FOXJ3: variants seen among roughly 807,000 people sequenced by gnomAD.
FOXJ3 encodes the protein forkhead box protein J3.
In FOXJ3, 22 loss-of-function variants were observed where a neutral mutation model predicts 76.1. The observed-to-expected ratio is 0.29, with a 90% CI of 0.21 to 0.41. FOXJ3 has a LOEUF of 0.41. FOXJ3 is among the 10% of genes least tolerant of loss of function. The pLI is 1.00. For synonymous variants in FOXJ3, 269 were observed against 261.2 expected, an observed-to-expected ratio of 1.03 and a Z score of -0.29; for missense variants, 613 against 762.1, an observed-to-expected ratio of 0.80 and a Z score of 2.30.
intron 1 of FOXJ3, among the ~76,000 whole-genome samples, chr1:42,317,040 T>A (rs948779371): frequency 6.6e-6 from 1 of 152,174 alleles, no homozygotes; most frequent in African/African-American, 2.4e-5. Context: ...AATTAAAAAT[T>A]CATTTTTTAT....
intron 1 of FOXJ3, chr1:42,323,792 A>C: frequency 3.7e-6 from 2 of 547,862 alleles, no homozygotes; most frequent in Non-Finnish European, 4.6e-6. Flanking sequence ...TTGTGAAAGA[A>C]GGCAGACTAG....
intron 4 of FOXJ3, among the ~76,000 whole-genome samples, chr1:42,258,525 G>A (rs1025093715): frequency 3.3e-5 from 5 of 152,156 alleles, no homozygotes; most frequent in South Asian, 2.1e-4. Context: ...CTAGTTGACC[G>A]AATGAACATG....
At chr1:42,299,851 T>A (rs1276884605) in intron 2 of FOXJ3, among the ~76,000 whole-genome samples, 1 of 151,856 alleles carries the variant, frequency 6.6e-6, no homozygotes, top group Non-Finnish European at 1.5e-5. Flanking sequence ...GAGGTCGCAG[T>A]GAGCCAAGAT....
chr1:42,324,313 T>C (rs1307279237), intron 1 of FOXJ3, among the ~76,000 whole-genome samples: 1 of 140,288 alleles, frequency 7.1e-6, no homozygotes, highest in East Asian at 2.0e-4. Flanking sequence ...ATACACTATA[T>C]ATACACGAGA....
intron 1 of FOXJ3, among the ~76,000 whole-genome samples, chr1:42,318,955 G>A (rs1050265566): frequency 6.6e-6 from 1 of 152,168 alleles, no homozygotes; most frequent in Non-Finnish European, 1.5e-5. Flanking sequence ...AATAGGCCAC[G>A]TGCAGTAGCT....
intron 5 of FOXJ3, among the ~76,000 whole-genome samples, chr1:42,211,878 C>T (rs1646972293): frequency 1.3e-5 from 2 of 152,164 alleles, no homozygotes; most frequent in Admixed American, 1.3e-4. Context: ...ATTAAAGTTA[C>T]ATCCTGGAGT....
chr1:42,301,450 G>A (rs917697834), intron 2 of FOXJ3, among the ~76,000 whole-genome samples: 6 of 151,916 alleles, frequency 3.9e-5, no homozygotes, highest in South Asian at 2.1e-4. Flanking sequence ...TGATCCACCC[G>A]CCTCCGCCTC....
chr1:42,316,918 C>T (rs927996852), intron 1 of FOXJ3, among the ~76,000 whole-genome samples: 2 of 152,144 alleles, frequency 1.3e-5, no homozygotes, highest in African/African-American at 4.8e-5. Flanking sequence ...ACATTGGGTA[C>T]AGTGTACACT....
At chr1:42,255,913 T>G (rs565908938) in intron 4 of FOXJ3, among the ~76,000 whole-genome samples, 1 of 152,250 alleles carries the variant, frequency 6.6e-6, no homozygotes, top group East Asian at 1.9e-4. Flanking sequence ...TCCCAGCTAC[T>G]CGGGAGGCTG....
At chr1:42,334,145 T>C (rs982890634) in intron 1 of FOXJ3, 2 of 981,090 alleles carry the variant, frequency 2.0e-6, no homozygotes, top group South Asian at 4.7e-5. Context: ...CCTGAATGCA[T>C]CGGTAGCAAG....
intron 5 of FOXJ3, among the ~76,000 whole-genome samples, chr1:42,208,705 A>G (rs1051041768): frequency 4.6e-5 from 7 of 152,192 alleles, no homozygotes; most frequent in Non-Finnish European, 7.3e-5. Flanking sequence ...ATTAGGCAAG[A>G]GAAGGAACTA....
At chr1:42,324,137 G>GTGTATATATATA (rs1655653755) in intron 1 of FOXJ3, among the ~76,000 whole-genome samples, 2 of 43,530 alleles carry the variant, frequency 4.6e-5, no homozygotes, top group African/African-American at 1.6e-4. Flanking sequence ...TGTATATACA[G>GTGTATATATATA]TATATATACT....
intron 2 of FOXJ3, among the ~76,000 whole-genome samples, chr1:42,293,481 A>C (rs1184366976): frequency 6.6e-6 from 1 of 152,204 alleles, no homozygotes; most frequent in Non-Finnish European, 1.5e-5. Context: ...CAAACCCACT[A>C]AAATGTCTAA....
At chr1:42,190,177 C>T (rs548587737) in intron 9 of FOXJ3, among the ~76,000 whole-genome samples, 8 of 152,298 alleles carry the variant, frequency 5.3e-5, no homozygotes, top group African/African-American at 1.4e-4. Context: ...GAGTTACCTT[C>T]AATGAGACAG....
At chr1:42,212,056 C>T (rs552308225) in intron 5 of FOXJ3, among the ~76,000 whole-genome samples, 1 of 152,260 alleles carries the variant, frequency 6.6e-6, no homozygotes, top group South Asian at 2.1e-4. Context: ...GAGTTCGAGA[C>T]CAGCCTGGCC....
At chr1:42,248,730 CTTT>C (rs4019587) in intron 4 of FOXJ3, among the ~76,000 whole-genome samples, 3,296 of 92,250 alleles carry the variant, frequency 0.036, 151 homozygotes, top group African/African-American at 0.12. Flanking sequence ...CCTGTTTTTT[CTTT>C]TTTTTTTTTT....
intron 11 of FOXJ3, among the ~76,000 whole-genome samples, chr1:42,182,791 C>A (rs563798172): frequency 6.6e-6 from 1 of 152,218 alleles, no homozygotes; most frequent in East Asian, 1.9e-4. Flanking sequence ...AGCCACCGCA[C>A]CCAGCCACTC....
intron 4 of FOXJ3, among the ~76,000 whole-genome samples, chr1:42,252,911 G>A (rs1650220085): frequency 6.7e-6 from 1 of 150,110 alleles, no homozygotes; most frequent in African/African-American, 2.5e-5. Flanking sequence ...ACAAGACAGG[G>A]ATGCCCTCTC....
Position 42,176,722 on chromosome 1 carries a change from A to G in FOXJ3, c.*2988T>C, listed in dbSNP as rs1646221649. Reference sequence around the variant, plus strand: ...CGTGCAATAGCAAAACTGTAGAAACATTAAAACACTGACTGTCCAACAGCA... The same window carrying G: ...CGTGCAATAGCAAAACTGTAGAAACGTTAAAACACTGACTGTCCAACAGCA... On this transcript the variant is annotated 3_prime_UTR_variant, in exon 13 of 13. Coordinates refer to ENST00000361346, the MANE Select transcript of FOXJ3 (RefSeq NM_014947.5). The G allele has an allele frequency of 6.5e-6, 1 of 152,800 alleles. No individual in the cohort carries two copies. The highest frequency in any genetic ancestry group is 2.1e-4 in the South Asian group (1 of 4,830). The allele number at this position is 152,800 out of a possible 1,614,324, so 9.5% of individuals were successfully genotyped here.
Sources: allele counts gnomAD v4.1 joint callset (sites outside exome capture counted in the v4.1 genomes callset), GRCh38; gene constraint gnomAD v4.1.1; transcripts MANE v1.5; gene names NCBI Gene and HGNC (gene_info 2026-07-23, HGNC 2026-07-21).